PPM1A: variants seen among roughly 807,000 people sequenced by gnomAD.
The protein encoded by PPM1A is protein phosphatase, Mg2+/Mn2+ dependent 1A.
In PPM1A, 7 loss-of-function variants were observed where a neutral mutation model predicts 35.0. The ratio of observed to expected loss-of-function variants is 0.20; its 90% CI spans 0.11 to 0.38. The LOEUF is 0.38. Ranked by LOEUF, PPM1A falls within the 10% of genes least tolerant of loss-of-function variation. The pLI is 1.00. For missense variants in PPM1A, 239 were observed against 467.8 expected (o/e 0.51, Z 4.51); for synonymous variants, 153 against 167.3 (o/e 0.91, Z 0.66).
At chr14:60,285,960 A>ATTCTG (rs1886961481) in intron 3 of PPM1A, 13 of 1,229,798 alleles carry the variant, frequency 1.1e-5, no homozygotes, top group Non-Finnish European at 1.3e-5. Flanking sequence ...AGTAACCCAC[A>ATTCTG]TTCTGTTCAG....
At chr14:60,264,150 G>C (rs1272807137) in intron 1 of PPM1A, among the ~76,000 whole-genome samples, 1 of 151,954 alleles carries the variant, frequency 6.6e-6, no homozygotes, top group Non-Finnish European at 1.5e-5. Context: ...CTTAGTTTTT[G>C]TGTGAAAGTA....
chr14:60,282,550 C>T lies in PPM1A; in HGVS notation c.-20-134C>T. On this transcript the variant is annotated intron_variant, in intron 1 of 5. Coordinates refer to ENST00000395076, the MANE Select transcript of PPM1A (RefSeq NM_021003.5). This position sits in a 1 kb window ranked among gnomAD's most constrained non-coding sequence, Gnocchi z 5.1. ...CCTTGTTAATCTCCAGATTCCAAGT[C>T]AGCAACACAATGAATGTCTGCTTAT... The T allele has an allele frequency of 8.8e-7, 1 of 1,141,652 alleles. No individual in the cohort carries two copies. Among genetic ancestry groups the T allele is most frequent in the South Asian group, 1.6e-5 (1 of 61,744 alleles). The allele number at this position is 1,141,652 out of a possible 1,614,324, so 70.7% of individuals were successfully genotyped here.
intron 3 of PPM1A, 46 bp downstream of exon 3, chr14:60,285,787 T>G (rs1886946405): frequency 6.3e-7 from 1 of 1,599,132 alleles, no homozygotes; most frequent in African/African-American, 1.4e-5. Context: ...AAGAAAAATC[T>G]TCAACACAAT....
At chr14:60,280,998 C>G (rs1340858464) in intron 1 of PPM1A, among the ~76,000 whole-genome samples, 1 of 152,042 alleles carries the variant, frequency 6.6e-6, no homozygotes, top group African/African-American at 2.4e-5. Context: ...GTTCTTTAAT[C>G]TTGGCTAAGG....
rs1887717204 is a variant in PPM1A, at chr14:60,292,317, A to G, written c.1120-136A>G. On this transcript the variant is annotated intron_variant, in intron 5 of 5. Coordinates refer to ENST00000395076, the MANE Select transcript of PPM1A (RefSeq NM_021003.5). The surrounding 1 kb of genome is among the most constrained non-coding windows in gnomAD (Gnocchi z 4.2). Reference sequence around the variant, plus strand: ...ATTTCATATGTACACATATATACTTATATACTTTAAAAAACATTTATATTC... The same window carrying G: ...ATTTCATATGTACACATATATACTTGTATACTTTAAAAAACATTTATATTC... 3.2e-6 allele frequency: 2 copies of G among 621,748 alleles called. No homozygotes were observed. The highest frequency in any genetic ancestry group is 5.7e-6 in the Non-Finnish European group (2 of 352,822). The allele number at this position is 621,748 out of a possible 1,614,324, so 38.5% of individuals were successfully genotyped here.
At chr14:60,260,327 A>G (rs1883603332) in intron 1 of PPM1A, among the ~76,000 whole-genome samples, 1 of 152,110 alleles carries the variant, frequency 6.6e-6, no homozygotes, top group Non-Finnish European at 1.5e-5. Flanking sequence ...GAAAAAGTGA[A>G]GTAAATATTT....
At chr14:60,287,562 C>G (rs114363478) in intron 3 of PPM1A, 1 of 985,216 alleles carries the variant, frequency 1.0e-6, no homozygotes, top group Non-Finnish European at 1.2e-6. Flanking sequence ...TTTCTTTTCT[C>G]TCTCTCTTCT....
At position 60,294,031 on chromosome 14, in the gene PPM1A, T is replaced by G. The variant is rs1887871338; in HGVS notation, c.*1549T>G. ...GATTCCCACTAGAAAACTGTTGAAA[T>G]GTAAGACTAAAATACAACATTGAAT... On this transcript the variant is annotated 3_prime_UTR_variant, in exon 6 of 6. Transcript: ENST00000395076. The G allele has an allele frequency of 6.6e-6, 1 of 151,882 alleles. No homozygotes were observed. The highest frequency in any genetic ancestry group is 6.6e-5 in the Admixed American group (1 of 15,204). The allele number at this position is 151,882 out of a possible 1,614,324, so 9.4% of individuals were successfully genotyped here. A position where few individuals can be genotyped will look rare whatever the true frequency, so the allele number is the denominator to read the frequency against.
intron 3 of PPM1A, chr14:60,288,217 T>G: frequency 1.0e-6 from 1 of 976,996 alleles, no homozygotes; most frequent in Non-Finnish European, 1.2e-6. Context: ...TCCTGTAATT[T>G]TCTTCACAGT....
Position 60,289,785 on chromosome 14 carries a change from A to G in PPM1A, c.953-21A>G. 6.5e-7 allele frequency: 1 copy of G among 1,542,690 alleles called. No homozygotes were observed. Among genetic ancestry groups the G allele is most frequent in the Non-Finnish European group, 8.9e-7 (1 of 1,120,808 alleles). ...ATTAAATTTGGATAACACTTACAAA[A>G]AAAGTACTTCTGATTCCCAGAAATC... is the stretch of plus-strand genomic sequence containing the variant. On this transcript the variant is annotated intron_variant, in intron 3 of 5. Transcript: ENST00000395076. The surrounding 1 kb of genome is among the most constrained non-coding windows in gnomAD (Gnocchi z 4.1).
intron 3 of PPM1A, 157 bp downstream of exon 3, chr14:60,285,898 T>C: frequency 7.2e-7 from 1 of 1,392,180 alleles, no homozygotes; most frequent in Middle Eastern, 2.7e-4. Flanking sequence ...GCTGTTAAGA[T>C]GTATGCAGTT....
chr14:60,278,425 C>T (rs138344979), intron 1 of PPM1A, among the ~76,000 whole-genome samples: 8 of 151,708 alleles, frequency 5.3e-5, no homozygotes, highest in African/African-American at 1.5e-4. Flanking sequence ...AGCTAAAAGC[C>T]GAGATAATTT....
intron 1 of PPM1A, among the ~76,000 whole-genome samples, chr14:60,251,621 T>A (rs1028083044): frequency 2.0e-5 from 3 of 152,366 alleles, no homozygotes; most frequent in South Asian, 2.1e-4. Context: ...AAATTTTTTT[T>A]TATCAATATT....
intron 4 of PPM1A, among the ~76,000 whole-genome samples, chr14:60,290,892 G>A (rs1477416089): frequency 6.6e-6 from 1 of 151,956 alleles, no homozygotes; most frequent in East Asian, 1.9e-4. Flanking sequence ...TTAATAAAGT[G>A]TTACTCAAAA....
intron 3 of PPM1A, chr14:60,288,591 G>C: frequency 1.3e-6 from 1 of 799,516 alleles, no homozygotes; most frequent in Non-Finnish European, 1.5e-6. Flanking sequence ...ATTTAAGACT[G>C]TTTTTTTTTT....
intron 1 of PPM1A, among the ~76,000 whole-genome samples, chr14:60,253,840 C>A (rs1232836656): frequency 6.6e-6 from 1 of 152,124 alleles, no homozygotes; most frequent in Non-Finnish European, 1.5e-5. Context: ...AGTAGAGCCA[C>A]ATTGAAGGGC....
Position 60,292,144 on chromosome 14 carries a change from AC to A in PPM1A, c.1120-308del, listed in dbSNP as rs1211408207. ...AGGTTTATAAAAGTGGTATTCTAAA[AC>A]TGTATTGGATTTCATTAAAAAATTC... On this transcript the variant is annotated intron_variant, in intron 5 of 5. Transcript: ENST00000395076. This position sits in a 1 kb window ranked among gnomAD's most constrained non-coding sequence, Gnocchi z 4.2. 1.3e-5 allele frequency among the ~76,000 whole-genome samples: 2 copies of A among 152,082 alleles called. No homozygotes were observed. The highest frequency in any genetic ancestry group is 4.8e-5 in the African/African-American group (2 of 41,428).
chr14:60,289,048 T>C lies in PPM1A; in HGVS notation c.953-758T>C, dbSNP rs944448522. Among the ~76,000 whole-genome samples the C allele has an allele frequency of 6.6e-6, 1 of 152,164 alleles. No homozygotes were observed. The highest frequency in any genetic ancestry group is 6.5e-5 in the Admixed American group (1 of 15,290). On this transcript the variant is annotated intron_variant, in intron 3 of 5. Transcript: ENST00000395076. This position sits in a 1 kb window ranked among gnomAD's most constrained non-coding sequence, Gnocchi z 4.1. ...TGCATGACAACACTGCAGATCATAT[T>C]GCTGTGCCCTTTTAATAACTGGATA...
At chr14:60,263,587 G>A (rs1002666636) in intron 1 of PPM1A, among the ~76,000 whole-genome samples, 1 of 152,050 alleles carries the variant, frequency 6.6e-6, no homozygotes, top group African/African-American at 2.4e-5. Context: ...GTATAATGGT[G>A]GAGGTTGGGC....
Sources: allele counts gnomAD v4.1 joint callset (sites outside exome capture counted in the v4.1 genomes callset), GRCh38; gene constraint gnomAD v4.1.1; non-coding constraint Gnocchi (gnomAD v3.1); transcripts MANE v1.5; gene names NCBI Gene and HGNC (gene_info 2026-07-23, HGNC 2026-07-21).